Variants in PLXDC2 observed in about 807,000 individuals in gnomAD.
PLXDC2 encodes plexin domain containing 2.
In PLXDC2, 40 loss-of-function variants were observed where a neutral mutation model predicts 68.9. The observed-to-expected ratio is 0.58, with a 90% CI of 0.45 to 0.76. The LOEUF is 0.76. PLXDC2 is among the 30% of genes least tolerant of loss of function. The pLI is 0.00. For missense variants in PLXDC2, 644 were observed against 661.9 expected (o/e 0.97, Z 0.30); for synonymous variants, 243 against 234.2 (o/e 1.04, Z -0.34).
chr10:20,225,249 T>C (rs1835270146), intron 12 of PLXDC2, among the ~76,000 whole-genome samples: 1 of 152,214 alleles, frequency 6.6e-6, no homozygotes, highest in Admixed American at 6.5e-5. Flanking sequence ...CTTATATTTT[T>C]ATTACCAAGT....
chr10:20,197,591 C>G (rs569552518), intron 9 of PLXDC2, among the ~76,000 whole-genome samples: 2 of 152,098 alleles, frequency 1.3e-5, no homozygotes, highest in African/African-American at 4.8e-5. Flanking sequence ...CTCTTGACCT[C>G]GTGATCCACC....
intron 2 of PLXDC2, among the ~76,000 whole-genome samples, chr10:20,021,545 T>C (rs1476772350): frequency 6.6e-6 from 1 of 152,092 alleles, no homozygotes; most frequent in Non-Finnish European, 1.5e-5. Flanking sequence ...ATTCACATAT[T>C]AATCCTCATC....
chr10:19,966,397 A>T (rs1198180728), intron 1 of PLXDC2, among the ~76,000 whole-genome samples: 1 of 148,604 alleles, frequency 6.7e-6, no homozygotes, highest in Non-Finnish European at 1.5e-5. Flanking sequence ...CATATATAAA[A>T]TATATATGTG....
intron 2 of PLXDC2, among the ~76,000 whole-genome samples, chr10:20,027,692 G>GAAAAAAA (rs60603741): frequency 7.0e-6 from 1 of 142,468 alleles, no homozygotes. Context: ...GGGACAACCT[G>GAAAAAAA]AAAAAAAAAA....
intron 1 of PLXDC2, among the ~76,000 whole-genome samples, chr10:19,916,881 G>A (rs146775264): frequency 2.4e-4 from 36 of 152,284 alleles, no homozygotes; most frequent in Non-Finnish European, 5.0e-4. Context: ...AGTCTCTAGA[G>A]CAAAATTCCA....
At chr10:20,047,135 G>A (rs1835811682) in intron 3 of PLXDC2, 120 bp downstream of exon 3, 2 of 1,007,230 alleles carry the variant, frequency 2.0e-6, no homozygotes, top group Non-Finnish European at 1.4e-6. Flanking sequence ...CCTTATCTGT[G>A]GTAATCGCTT....
At chr10:20,045,413 C>T (rs1391959596) in intron 2 of PLXDC2, among the ~76,000 whole-genome samples, 2 of 152,096 alleles carry the variant, frequency 1.3e-5, no homozygotes, top group African/African-American at 2.4e-5. Flanking sequence ...TCAGGTGATC[C>T]GCCCGCCTTG....
chr10:19,916,003 G>T (rs190279890), intron 1 of PLXDC2, among the ~76,000 whole-genome samples: 23 of 152,016 alleles, frequency 1.5e-4, no homozygotes, highest in Admixed American at 1.2e-3. Context: ...GCTTTCATGT[G>T]TACCTCTCTT....
chr10:19,844,735 AC>A (rs1407897202), intron 1 of PLXDC2, among the ~76,000 whole-genome samples: 2 of 151,832 alleles, frequency 1.3e-5, no homozygotes, highest in African/African-American at 4.8e-5. Context: ...AGCTGGGACT[AC>A]AGGCGCGCAT....
At chr10:20,274,686 G>C (rs1379693785) in intron 13 of PLXDC2, among the ~76,000 whole-genome samples, 1 of 152,094 alleles carries the variant, frequency 6.6e-6, no homozygotes, top group Non-Finnish European at 1.5e-5. Flanking sequence ...AGATCAATTT[G>C]AGTTACTCTT....
At chr10:20,024,625 G>T (rs1429416379) in intron 2 of PLXDC2, among the ~76,000 whole-genome samples, 1 of 151,840 alleles carries the variant, frequency 6.6e-6, no homozygotes, top group East Asian at 1.9e-4. Context: ...AGATACAAGG[G>T]GTATGTGTGC....
At chr10:19,900,635 G>A (rs1838142754) in intron 1 of PLXDC2, among the ~76,000 whole-genome samples, 1 of 151,814 alleles carries the variant, frequency 6.6e-6, no homozygotes, top group Non-Finnish European at 1.5e-5. Flanking sequence ...AGGTTTTGGG[G>A]GAGTAGGTGG....
At chr10:19,905,842 T>G (rs1178503367) in intron 1 of PLXDC2, among the ~76,000 whole-genome samples, 1 of 152,148 alleles carries the variant, frequency 6.6e-6, no homozygotes, top group African/African-American at 2.4e-5. Flanking sequence ...AGTTTTTGAG[T>G]AGAAGATTTT....
intron 7 of PLXDC2, among the ~76,000 whole-genome samples, chr10:20,170,717 G>A (rs1298889243): frequency 6.6e-6 from 1 of 152,004 alleles, no homozygotes; most frequent in African/African-American, 2.4e-5. Flanking sequence ...CTATGAACTT[G>A]CAATATGACT....
chr10:20,140,313 A>G (rs1361309485), intron 4 of PLXDC2, among the ~76,000 whole-genome samples: 1 of 151,818 alleles, frequency 6.6e-6, no homozygotes, highest in African/African-American at 2.4e-5. Context: ...AAATAAAAAT[A>G]TAAATAAATA....
chr10:20,161,998 G>T (rs1419642776), intron 6 of PLXDC2, among the ~76,000 whole-genome samples: 1 of 149,188 alleles, frequency 6.7e-6, no homozygotes, highest in Admixed American at 6.8e-5. Context: ...CTCCAGCCTG[G>T]ACAACAAGAG....
chr10:20,260,909 T>C (rs1835801745), intron 13 of PLXDC2, among the ~76,000 whole-genome samples: 1 of 152,242 alleles, frequency 6.6e-6, no homozygotes, highest in Admixed American at 6.5e-5. Context: ...AGGTGATTTC[T>C]CATTGTAATT....
At chr10:20,193,761 T>C (rs1834800665) in intron 9 of PLXDC2, among the ~76,000 whole-genome samples, 2 of 152,026 alleles carry the variant, frequency 1.3e-5, no homozygotes, top group Non-Finnish European at 2.9e-5. Flanking sequence ...AAGCAGAAAA[T>C]TGCTTCACAC....
intron 4 of PLXDC2, among the ~76,000 whole-genome samples, chr10:20,124,863 A>G (rs939682969): frequency 6.6e-6 from 1 of 151,954 alleles, no homozygotes; most frequent in African/African-American, 2.4e-5. Context: ...TAAGGCAGGA[A>G]CTGGCCATCT....
Sources: allele counts gnomAD v4.1 joint callset (sites outside exome capture counted in the v4.1 genomes callset), GRCh38; gene constraint gnomAD v4.1.1; transcripts MANE v1.5; gene names NCBI Gene and HGNC (gene_info 2026-07-23, HGNC 2026-07-21).